The following CD109 variants were observed in gnomAD, a reference collection of about 807,000 sequenced individuals.
CD109 encodes the protein CD109 molecule, also known as CD109 antigen.
CD109 carries 149 observed loss-of-function variants against 165.8 expected under a neutral mutation model. The observed-to-expected ratio is 0.90, with a 90% CI of 0.79 to 1.03. CD109 has a LOEUF of 1.03. Among genes scored for constraint, CD109 ranks in the 50% least tolerant of loss-of-function variants. The probability of loss-of-function intolerance (pLI) is 0.00; values close to 1 mark genes in which losing one functional copy is unlikely to be tolerated. For missense variants in CD109, 1,712 were observed against 1,677.8 expected, an observed-to-expected ratio of 1.02 and a Z score of -0.36; for synonymous variants, 585 against 592.1, an observed-to-expected ratio of 0.99 and a Z score of 0.18.
intron 16 of CD109, among the ~76,000 whole-genome samples, chr6:73,780,828 A>G (rs1774460770): frequency 8.7e-6 from 1 of 114,470 alleles, no homozygotes; most frequent in Non-Finnish European, 1.8e-5. Flanking sequence ...AATATATTTT[A>G]TGTATATATA....
intron 1 of CD109, 21 bp downstream of exon 1, chr6:73,696,310 G>GGGGCGCGC (rs769733493): frequency 6.0e-5 from 84 of 1,404,188 alleles, no homozygotes; most frequent in African/African-American, 9.0e-5. Context: ...GGGCGCGCGG[G>GGGGCGCGC]GGGCGCGCGG....
intron 23 of CD109, among the ~76,000 whole-genome samples, chr6:73,800,640 C>T (rs1775327909): frequency 6.6e-6 from 1 of 152,138 alleles, no homozygotes; most frequent in Admixed American, 6.5e-5. Flanking sequence ...AATGGTATCT[C>T]AGTGTAGGTT....
At position 73,717,611 on chromosome 6, in the gene CD109, C is replaced by CTT. The variant is rs779915655; in HGVS notation, c.248-5615_248-5614dup. On this transcript the variant is annotated intron_variant, in intron 2 of 32. Transcript: ENST00000287097. ...CTGGCATATAGAAATTCTACTGATT[C>CTT]TTTTTTTTTTTTTTTTTTTTTTTTT... Among the ~76,000 whole-genome samples, 65 of 74,820 alleles carry CTT rather than the reference C, an allele frequency of 8.7e-4. 3 individuals carry two copies. The highest frequency in any genetic ancestry group is 1.1e-3 in the Non-Finnish European group (38 of 35,908). The allele number at this position is 74,820 out of a possible 152,430, so 49.1% of individuals were successfully genotyped here.
intron 11 of CD109, 48 bp from the exon 12 acceptor site, chr6:73,766,711 G>T: frequency 7.6e-7 from 1 of 1,313,610 alleles, no homozygotes. Flanking sequence ...CTTTTCTCAA[G>T]GTGTTACTAA....
At chr6:73,817,269 A>G (rs1285748197) in intron 30 of CD109, among the ~76,000 whole-genome samples, 1 of 152,206 alleles carries the variant, frequency 6.6e-6, no homozygotes, top group East Asian at 1.9e-4. Context: ...TTTAATATGT[A>G]CTGAAAGTAT....
In CD109 at chr6:73,807,079, C is replaced by T. The variant is rs369844434; in HGVS notation, c.3189+7C>T. 3.5e-4 allele frequency: 551 copies of T among 1,592,718 alleles called. 16 individuals are homozygous for T. In the South Asian group the frequency reaches 4.8e-3, roughly 14 times the overall value. On this transcript the variant is annotated splice_region_variant and intron_variant, in intron 25 of 32. Coordinates refer to ENST00000287097, the MANE Select transcript of CD109 (RefSeq NM_133493.5). ...GGGATATAGAAAGTATCAGGTATTT[C>T]GTATTTAATTTAATAAATGATAGAT...
At chr6:73,760,943 A>C (rs1281803770) in intron 7 of CD109, among the ~76,000 whole-genome samples, 2 of 150,474 alleles carry the variant, frequency 1.3e-5, no homozygotes, top group African/African-American at 4.9e-5. Context: ...TGAACCCCTG[A>C]GGTGGAGGTT....
rs576338995 is a variant in CD109, at chr6:73,827,123, T to C, written c.*3490T>C. 4 of 152,320 alleles carry C rather than the reference T, an allele frequency of 2.6e-5. No homozygotes were observed. The highest frequency in any genetic ancestry group is 9.6e-5 in the African/African-American group (4 of 41,580). 9.4% of individuals were successfully genotyped at this position (152,320 alleles called of 1,614,324 possible). A position where few individuals can be genotyped will look rare whatever the true frequency, so the allele number is the denominator to read the frequency against. ...ACAACCTTACTTTTTCTGATTTGCT[T>C]TATTGAATGATTGAATACTCATTTC... On this transcript the variant is annotated 3_prime_UTR_variant, in exon 33 of 33. Coordinates refer to ENST00000287097, the MANE Select transcript of CD109 (RefSeq NM_133493.5).
chr6:73,699,274 A>T (rs1770969568), intron 2 of CD109, among the ~76,000 whole-genome samples: 1 of 152,228 alleles, frequency 6.6e-6, no homozygotes, highest in African/African-American at 2.4e-5. Flanking sequence ...TATCACCTGG[A>T]TGATGAAATA....
chr6:73,802,161 C>A (rs539556110), intron 23 of CD109, among the ~76,000 whole-genome samples: 1 of 151,494 alleles, frequency 6.6e-6, no homozygotes, highest in African/African-American at 2.4e-5. Context: ...GCAAATATGA[C>A]ACATTTGCTT....
chr6:73,723,242 T>C lies in CD109; in HGVS notation c.248-9T>C, dbSNP rs1384009885. On this transcript the variant is annotated splice_polypyrimidine_tract_variant and intron_variant, in intron 2 of 32. Transcript: ENST00000287097. ...GCTAACTCTGTTTTCTTTCCTGTTT[T>C]CCTTGTAGGCTCTTTTAAGACACTT... 6.2e-7 allele frequency: 1 copy of C among 1,612,568 alleles called. No individual in the cohort carries two copies. Among genetic ancestry groups the C allele is most frequent in the South Asian group, 1.1e-5 (1 of 90,616 alleles).
chr6:73,683,454 T>A, the CD109 span, among the ~76,000 whole-genome samples: 2 of 152,216 alleles, frequency 1.3e-5, no homozygotes, highest in Admixed American at 1.3e-4. Context: ...CATATCACTA[T>A]CAATATTTTG....
rs1773883438 is a variant in CD109, at chr6:73,767,089, T to C, written c.1497+79T>C. ...TCACTTTTAAGTTCTGGGGTACATG[T>C]GCAGGTTTGTTATATAGCTAAACTC... On this transcript the variant is annotated intron_variant, in intron 13 of 32. Transcript: ENST00000287097. 17 of 1,252,678 alleles carry C rather than the reference T, an allele frequency of 1.4e-5. No homozygotes were observed. In the South Asian group the frequency reaches 2.1e-4, roughly 15 times the overall value. The allele number at this position is 1,252,678 out of a possible 1,614,324, so 77.6% of individuals were successfully genotyped here.
chr6:73,756,404 A>T (rs978545522), intron 5 of CD109, among the ~76,000 whole-genome samples: 1 of 152,206 alleles, frequency 6.6e-6, no homozygotes, highest in African/African-American at 2.4e-5. Flanking sequence ...TTATAGAGAT[A>T]GGTCACCATT....
At chr6:73,688,774 T>G in the CD109 span, among the ~76,000 whole-genome samples, 59 of 135,480 alleles carry the variant, frequency 4.4e-4, no homozygotes, top group Non-Finnish European at 5.8e-4. Context: ...TTTTTTTTTT[T>G]TTTTTTTTTT....
intron 5 of CD109, among the ~76,000 whole-genome samples, chr6:73,749,403 G>T (rs978085953): frequency 6.6e-5 from 10 of 152,194 alleles, no homozygotes; most frequent in African/African-American, 2.4e-4. Flanking sequence ...GAAGTGGTGG[G>T]CTCTGAGCTG....
In CD109 at chr6:73,765,184, T is replaced by G. The variant is rs142454840; in HGVS notation, c.1108-746T>G. 1.7e-3 allele frequency among the ~76,000 whole-genome samples: 259 copies of G among 151,650 alleles called. 1 individual carries two copies. Among genetic ancestry groups the G allele is most frequent in the African/African-American group, 6.0e-3 (246 of 41,336 alleles). On this transcript the variant is annotated intron_variant, in intron 10 of 32. Coordinates refer to ENST00000287097, the MANE Select transcript of CD109 (RefSeq NM_133493.5). ...CAAGAAGGAGAGGTCTGGCTGGCAA[T>G]TTCGGGGTGCACTCAGGTAGTGTTT...
chr6:73,776,666 T>C (rs1582141042), intron 15 of CD109, among the ~76,000 whole-genome samples: 1 of 147,234 alleles, frequency 6.8e-6, no homozygotes, highest in Non-Finnish European at 1.5e-5. Flanking sequence ...CAAGCGATTC[T>C]CCTGCCTCAG....
chr6:73,737,350 C>T (rs1437781967), intron 5 of CD109, among the ~76,000 whole-genome samples: 1 of 152,144 alleles, frequency 6.6e-6, no homozygotes, highest in Non-Finnish European at 1.5e-5. Context: ...TGAATGAGAA[C>T]AGTGCTGGAG....
Sources: allele counts gnomAD v4.1 joint callset (sites outside exome capture counted in the v4.1 genomes callset), GRCh38; gene constraint gnomAD v4.1.1; transcripts MANE v1.5; gene names NCBI Gene and HGNC (gene_info 2026-07-23, HGNC 2026-07-21).